Variants in CAB39L observed in about 807,000 individuals in gnomAD.
CAB39L encodes calcium binding protein 39 like, also known as calcium-binding protein 39-like.
Under a neutral mutation model 39.1 loss-of-function variants are expected in CAB39L, and 23 were observed. The observed-to-expected ratio is 0.59, with a 90% CI of 0.42 to 0.83. CAB39L has a LOEUF of 0.83. CAB39L is among the 40% of genes least tolerant of loss of function. CAB39L has a pLI of 0.00. For synonymous variants in CAB39L, 126 were observed against 137.2 expected, an observed-to-expected ratio of 0.92 and a Z score of 0.57; for missense variants, 366 against 391.9, an observed-to-expected ratio of 0.93 and a Z score of 0.56.
At chr13:49,442,060 A>C (rs1957534428) in intron 1 of CAB39L, among the ~76,000 whole-genome samples, 1 of 152,208 alleles carries the variant, frequency 6.6e-6, no homozygotes. Context: ...CATTCTGAGT[A>C]AGAGGTTGTG....
intron 3 of CAB39L, among the ~76,000 whole-genome samples, chr13:49,392,503 T>C (rs1293184267): frequency 6.6e-6 from 1 of 151,950 alleles, no homozygotes; most frequent in Non-Finnish European, 1.5e-5. Flanking sequence ...TAGCTGGGCA[T>C]GGTGGTGCAT....
chr13:49,388,273 T>C (rs9526551), intron 3 of CAB39L, among the ~76,000 whole-genome samples: 82,559 of 151,668 alleles, frequency 0.54, 23,829 homozygotes, highest in African/African-American at 0.72. Context: ...ATCAAAGATA[T>C]AACAGCGTAA....
intron 6 of CAB39L, among the ~76,000 whole-genome samples, chr13:49,355,882 T>G (rs1488384571): frequency 2.6e-5 from 4 of 152,058 alleles, no homozygotes; most frequent in Non-Finnish European, 5.9e-5. Flanking sequence ...AAATGATAAT[T>G]AAAAGAAAAG....
At chr13:49,377,886 G>A (rs1240305876) in intron 4 of CAB39L, among the ~76,000 whole-genome samples, 1 of 82,624 alleles carries the variant, frequency 1.2e-5, no homozygotes, top group African/African-American at 7.1e-5. Context: ...CCGCCCGGCC[G>A]CCATCCCATC....
chr13:49,420,055 G>A (rs193044509), intron 3 of CAB39L, among the ~76,000 whole-genome samples: 11 of 152,176 alleles, frequency 7.2e-5, no homozygotes, highest in East Asian at 3.9e-4. Context: ...TATATTAAAC[G>A]CATTAACTTT....
Position 49,444,013 on chromosome 13 carries a change from A to G in CAB39L, c.-273T>C, listed in dbSNP as rs1335770488. The G allele has an allele frequency of 2.2e-6, 1 of 456,750 alleles. No homozygotes were observed. Among genetic ancestry groups the G allele is most frequent in the Admixed American group, 2.3e-5 (1 of 42,584 alleles). 28.3% of individuals were successfully genotyped at this position (456,750 alleles called of 1,614,324 possible). A position where few individuals can be genotyped will look rare whatever the true frequency, so the allele number is the denominator to read the frequency against. ...GAGGAAACAGCTGCGCCACCACTCC[A>G]GTGATGCCGGCCTCTCGACTACGAG... On this transcript the variant is annotated 5_prime_UTR_variant, in exon 1 of 11. Coordinates refer to ENST00000409308, the MANE Select transcript of CAB39L (RefSeq NM_001079670.3).
rs1158370546 is a variant in CAB39L, at chr13:49,366,508, T to TC, written c.277-6677dup. ...TAGGCTTGGTGGCACGCACCTATAATCCCAGCTACTCAGGAGGCTGAGGCA... is the reference window on the plus strand; with the variant it reads ...TAGGCTTGGTGGCACGCACCTATAATCCCCAGCTACTCAGGAGGCTGAGGCA... On this transcript the variant is annotated intron_variant, in intron 5 of 10. Transcript: ENST00000409308. 1.3e-5 allele frequency among the ~76,000 whole-genome samples: 2 copies of TC among 149,986 alleles called. 1 individual carries two copies. Among genetic ancestry groups the TC allele is most frequent in the Non-Finnish European group, 3.0e-5 (2 of 67,772 alleles).
intron 10 of CAB39L, among the ~76,000 whole-genome samples, chr13:49,312,574 G>C (rs1954026998): frequency 6.6e-6 from 1 of 152,158 alleles, no homozygotes; most frequent in African/African-American, 2.4e-5. Flanking sequence ...CCACCACCTA[G>C]GTCTGCGTAA....
In CAB39L at chr13:49,350,119, T is replaced by C. The variant is rs563381759; in HGVS notation, c.564+625A>G. Reference sequence around the variant, plus strand: ...TTCAAAATAAAAAAGTTCTGGTAGTTGGTTGCCTAACAATGTGAATATATT... The same window carrying C: ...TTCAAAATAAAAAAGTTCTGGTAGTCGGTTGCCTAACAATGTGAATATATT... On this transcript the variant is annotated intron_variant, in intron 7 of 10. Transcript: ENST00000409308. Among the ~76,000 whole-genome samples the C allele has an allele frequency of 1.6e-4, 25 of 152,328 alleles. No individual in the cohort carries two copies. In the East Asian group the frequency reaches 4.6e-3, roughly 28 times the overall value.
chr13:49,401,396 T>C (rs756536559), intron 3 of CAB39L: 1 of 152,220 alleles, frequency 6.6e-6, no homozygotes, highest in Admixed American at 6.5e-5. Flanking sequence ...AACACTCACA[T>C]AGGGCAGCTG....
chr13:49,369,298 TG>T, intron 5 of CAB39L, among the ~76,000 whole-genome samples: 1 of 152,188 alleles, frequency 6.6e-6, no homozygotes, highest in Non-Finnish European at 1.5e-5. Context: ...TGCTAGAAAC[TG>T]GAAATATGTA....
At chr13:49,424,289 C>T (rs1350512160) in intron 3 of CAB39L, among the ~76,000 whole-genome samples, 1 of 152,216 alleles carries the variant, frequency 6.6e-6, no homozygotes, top group Non-Finnish European at 1.5e-5. Flanking sequence ...AATGGCACTG[C>T]GCTTCTGCGA....
chr13:49,339,525 A>G (rs977189805), intron 9 of CAB39L, 152 bp downstream of exon 9: 8 of 849,436 alleles, frequency 9.4e-6, no homozygotes, highest in South Asian at 4.6e-5. Flanking sequence ...TATAAAATAC[A>G]GTCATAACAT....
chr13:49,368,944 C>T (rs1344962148), intron 5 of CAB39L, among the ~76,000 whole-genome samples: 1 of 152,082 alleles, frequency 6.6e-6, no homozygotes, highest in Non-Finnish European at 1.5e-5. Context: ...CTTCAAAACA[C>T]AAGCCATTGA....
At chr13:49,439,621 GT>G (rs2138753650) in intron 1 of CAB39L, among the ~76,000 whole-genome samples, 1 of 152,274 alleles carries the variant, frequency 6.6e-6, no homozygotes, top group South Asian at 2.1e-4. Context: ...GGGATTGCTG[GT>G]CAAATGGTAG....
chr13:49,435,019 T>A (rs1957386786), intron 1 of CAB39L, among the ~76,000 whole-genome samples: 1 of 152,232 alleles, frequency 6.6e-6, no homozygotes, highest in African/African-American at 2.4e-5. Context: ...TTTAGAGAAA[T>A]CTCTCTTCTG....
At chr13:49,416,328 G>T (rs146066223) in intron 3 of CAB39L, among the ~76,000 whole-genome samples, 2 of 152,204 alleles carry the variant, frequency 1.3e-5, no homozygotes, top group East Asian at 3.9e-4. Context: ...CAAAAAATAC[G>T]GCTAACACAA....
chr13:49,428,535 T>A (rs1036767138), intron 3 of CAB39L, among the ~76,000 whole-genome samples: 1 of 152,162 alleles, frequency 6.6e-6, no homozygotes, highest in African/African-American at 2.4e-5. Flanking sequence ...GTGGGGGCCA[T>A]CTTGGAGGCT....
chr13:49,409,767 T>C (rs1956950724), intron 3 of CAB39L, among the ~76,000 whole-genome samples: 2 of 151,946 alleles, frequency 1.3e-5, no homozygotes, highest in South Asian at 4.2e-4. Flanking sequence ...AGAGTGAAAA[T>C]TGGTCTTATC....
Sources: allele counts gnomAD v4.1 joint callset (sites outside exome capture counted in the v4.1 genomes callset), GRCh38; gene constraint gnomAD v4.1.1; transcripts MANE v1.5; gene names NCBI Gene and HGNC (gene_info 2026-07-23, HGNC 2026-07-21).